CANT1: variants seen among roughly 807,000 people sequenced by gnomAD.
CANT1 encodes soluble calcium-activated nucleotidase 1.
A neutral mutation model predicts 30.0 loss-of-function variants in CANT1; 26 were observed. The ratio of observed to expected loss-of-function variants is 0.87; its 90% CI spans 0.64 to 1.20. CANT1 has a LOEUF of 1.20. Ranked by LOEUF, CANT1 falls within the 50% of genes most tolerant of loss-of-function variation. CANT1 has a pLI of 0.00. For missense variants in CANT1, 518 were observed against 563.0 expected (o/e 0.92, Z 0.81); for synonymous variants, 246 against 251.8 (o/e 0.98, Z 0.22).
intron 1 of CANT1, among the ~76,000 whole-genome samples, chr17:79,003,797 C>T (rs2071351119): frequency 6.6e-6 from 1 of 151,338 alleles, no homozygotes; most frequent in Non-Finnish European, 1.5e-5. Flanking sequence ...AGGACCCCTG[C>T]TGCTGCCTGG....
At chr17:78,994,055 C>A (rs1005895611) in intron 4 of CANT1, 135 bp from the exon 5 acceptor site, 79 of 1,230,528 alleles carry the variant, frequency 6.4e-5, no homozygotes, top group Non-Finnish European at 8.4e-5. Flanking sequence ...CCCGCCCCTC[C>A]CTGCTCTCCA....
Position 78,997,807 on chromosome 17 carries a change from T to C in CANT1, c.-23+33A>G. On this transcript the variant is annotated intron_variant, in intron 2 of 4. Transcript: ENST00000392446. This position sits in a 1 kb window ranked among gnomAD's most constrained non-coding sequence, Gnocchi z 7.5. ...CCTTGGCTTAATGAATTCCCGACTC[T>C]AGATTCCCGACTCTAGCAGTATCTT... is the stretch of plus-strand genomic sequence containing the variant. 3.7e-6 allele frequency: 2 copies of C among 534,910 alleles called. No individual in the cohort carries two copies. The highest frequency in any genetic ancestry group is 6.0e-5 in the East Asian group (2 of 33,098). The allele number at this position is 534,910 out of a possible 1,614,324, so 33.1% of individuals were successfully genotyped here.
In CANT1 at chr17:78,996,846, G is replaced by T; in HGVS notation, c.631+146C>A. 8.7e-7 allele frequency: 1 copy of T among 1,145,656 alleles called. No homozygotes were observed. The highest frequency in any genetic ancestry group is 1.3e-6 in the Non-Finnish European group (1 of 767,954). 71.0% of individuals were successfully genotyped at this position (1,145,656 alleles called of 1,614,324 possible). ...CCTGGCTAAGGGTAAGGGGGCCGCA[G>T]GTCAGAGCAAGAGGGAGACGTGCTC... is the stretch of plus-strand genomic sequence containing the variant. On this transcript the variant is annotated intron_variant, in intron 3 of 4. Coordinates refer to ENST00000392446, the MANE Select transcript of CANT1 (RefSeq NM_001159773.2). This position sits in a 1 kb window ranked among gnomAD's most constrained non-coding sequence, Gnocchi z 5.1.
At chr17:79,009,201 G>C (rs993752466) in intron 1 of CANT1, among the ~76,000 whole-genome samples, 5 of 145,410 alleles carry the variant, frequency 3.4e-5, no homozygotes, top group African/African-American at 1.3e-4. Context: ...TCAGAGCGGG[G>C]AGGTGCCCCA....
Position 78,994,436 on chromosome 17 carries a change from G to A in CANT1, c.836-516C>T, listed in dbSNP as rs755665674. On this transcript the variant is annotated intron_variant, in intron 4 of 4. Coordinates refer to ENST00000392446, the MANE Select transcript of CANT1 (RefSeq NM_001159773.2). Reference sequence around the variant, plus strand: ...TTGGTGTGGAACACCACGGCCCAGCGCCAGGGGTAGGGACAGGGCCTGACC... The same window carrying A: ...TTGGTGTGGAACACCACGGCCCAGCACCAGGGGTAGGGACAGGGCCTGACC... Among the ~76,000 whole-genome samples the A allele has an allele frequency of 4.6e-5, 7 of 152,336 alleles. 1 individual carries two copies. The highest frequency in any genetic ancestry group is 1.3e-4 in the Admixed American group (2 of 15,310).
Position 78,998,789 on chromosome 17 carries a change from G to A in CANT1, c.-146-826C>T, listed in dbSNP as rs2071134582. Reference sequence around the variant, plus strand: ...ATCGAGAACACTGGCCCTGGGCAGAGGTTCCATATCTCTGCCCTCCAACTA... The same window carrying A: ...ATCGAGAACACTGGCCCTGGGCAGAAGTTCCATATCTCTGCCCTCCAACTA... On this transcript the variant is annotated intron_variant, in intron 1 of 4. Coordinates refer to ENST00000392446, the MANE Select transcript of CANT1 (RefSeq NM_001159773.2). The surrounding 1 kb of genome is among the most constrained non-coding windows in gnomAD (Gnocchi z 4.5). Among the ~76,000 whole-genome samples, 1 of 152,254 alleles carries A rather than the reference G, an allele frequency of 6.6e-6. No homozygotes were observed. Among genetic ancestry groups the A allele is most frequent in the Non-Finnish European group, 1.5e-5 (1 of 68,038 alleles).
intron 1 of CANT1, among the ~76,000 whole-genome samples, chr17:79,003,030 G>A (rs73399883): frequency 0.012 from 1,826 of 152,158 alleles, 36 homozygotes; most frequent in African/African-American, 0.041. Context: ...TCAGTGTGAC[G>A]GAGGCAGGGG....
At chr17:79,004,278 G>T in intron 1 of CANT1, among the ~76,000 whole-genome samples, 1 of 39,454 alleles carries the variant, frequency 2.5e-5, no homozygotes, top group Non-Finnish European at 5.5e-5. Flanking sequence ...GAGGAGTTAG[G>T]GAGGGGGGAG....
Position 78,993,216 on chromosome 17 carries a change from C to G in CANT1, c.*334G>C, listed in dbSNP as rs1477897792. ...CATAGGGCCTGACATATGGTAGGAG[C>G]TCTAGGGATATTCACTGAACAAAAG... On this transcript the variant is annotated 3_prime_UTR_variant, in exon 5 of 5. Coordinates refer to ENST00000392446, the MANE Select transcript of CANT1 (RefSeq NM_001159773.2). This position sits in a 1 kb window ranked among gnomAD's most constrained non-coding sequence, Gnocchi z 4.5. The G allele has an allele frequency of 2.3e-6, 1 of 439,850 alleles. No individual in the cohort carries two copies. The highest frequency in any genetic ancestry group is 4.2e-6 in the Non-Finnish European group (1 of 236,154). The allele number at this position is 439,850 out of a possible 1,614,324, so 27.2% of individuals were successfully genotyped here.
intron 4 of CANT1, among the ~76,000 whole-genome samples, chr17:78,994,651 G>A (rs959748396): frequency 1.3e-5 from 2 of 152,112 alleles, no homozygotes; most frequent in Middle Eastern, 3.2e-3. Context: ...GTGGTGGCTC[G>A]CGCCCGTAAT....
chr17:79,005,648 G>A (rs540242851), intron 1 of CANT1, among the ~76,000 whole-genome samples: 205 of 152,184 alleles, frequency 1.3e-3, no homozygotes, highest in Non-Finnish European at 2.5e-3. Flanking sequence ...CAGGTGGCAG[G>A]TGCGCCAACC....
At position 78,995,000 on chromosome 17, in the gene CANT1, G is replaced by A. The variant is rs556320254; in HGVS notation, c.835+18C>T. The A allele has an allele frequency of 2.6e-5, 40 of 1,552,592 alleles. No individual in the cohort carries two copies. The African/African-American group carries it at 4.4e-4, about 17-fold the overall frequency. The stretch of plus-strand genomic sequence containing the variant: ...GGCTGTGGAAGCCACACTGTGGGCT[G>A]GGGCAGGCGTCTCTTACCTGGCGGC... On this transcript the variant is annotated intron_variant, in intron 4 of 4. Coordinates refer to ENST00000392446, the MANE Select transcript of CANT1 (RefSeq NM_001159773.2).
intron 1 of CANT1, among the ~76,000 whole-genome samples, chr17:79,006,930 G>A (rs901165102): frequency 6.6e-6 from 1 of 152,150 alleles, no homozygotes; most frequent in South Asian, 2.1e-4. Flanking sequence ...ACTCAACCCG[G>A]CAACACCCTC....
At position 78,992,454 on chromosome 17, in the gene CANT1, A is replaced by G; in HGVS notation, c.*1096T>C. ...CTGCCTTCACCCTGGAGTACACTCC[A>G]GCGAAGCCGAGGCCCAGCCAACGCT... On this transcript the variant is annotated 3_prime_UTR_variant, in exon 5 of 5. Transcript: ENST00000392446. 5.4e-6 allele frequency: 2 copies of G among 373,274 alleles called. No individual in the cohort carries two copies. Among genetic ancestry groups the G allele is most frequent in the Non-Finnish European group, 1.0e-5 (2 of 193,702 alleles). The allele number at this position is 373,274 out of a possible 1,614,324, so 23.1% of individuals were successfully genotyped here.
At chr17:79,009,032 G>A (rs1457906810) in intron 1 of CANT1, among the ~76,000 whole-genome samples, 1 of 152,196 alleles carries the variant, frequency 6.6e-6, no homozygotes, top group Non-Finnish European at 1.5e-5. Flanking sequence ...AGGGGTATTT[G>A]AAGTCAGAAG....
Position 78,992,471 on chromosome 17 carries a change from G to C in CANT1, c.*1079C>G, listed in dbSNP as rs2070873026. The C allele has an allele frequency of 2.7e-6, 1 of 370,844 alleles. No homozygotes were observed. The highest frequency in any genetic ancestry group is 5.2e-6 in the Non-Finnish European group (1 of 192,024). The allele number at this position is 370,844 out of a possible 1,614,324, so 23.0% of individuals were successfully genotyped here. Reference sequence around the variant, plus strand: ...TACACTCCAGCGAAGCCGAGGCCCAGCCAACGCTCGTGAAGTTTCCACAGA... The same window carrying C: ...TACACTCCAGCGAAGCCGAGGCCCACCCAACGCTCGTGAAGTTTCCACAGA... On this transcript the variant is annotated 3_prime_UTR_variant, in exon 5 of 5. Coordinates refer to ENST00000392446, the MANE Select transcript of CANT1 (RefSeq NM_001159773.2).
In CANT1 at chr17:78,997,259, C is replaced by T; in HGVS notation, c.364G>A (p.Glu122Lys). ...DLDTESRAQE[E>K]NTWFSYLKKG... ...TTCAGGTAACTGAACCAGGTGTTTT[C>T]CTCTTGGGCCCTTGACTCTGTGTCC... Residue 122 changes from glutamate to lysine, a missense_variant, in exon 3 of 5, where the codon GAA becomes AAA. Glu to Lys is a moderately conservative substitution (Grantham distance 56, BLOSUM62 1). Around this residue, in one of 3 missense-constraint regions of CANT1, gnomAD observed 249 missense variants for 268.8 expected, o/e 0.93. Coordinates refer to ENST00000392446, the MANE Select transcript of CANT1 (RefSeq NM_001159773.2). The surrounding 1 kb of genome is among the most constrained non-coding windows in gnomAD (Gnocchi z 7.5). 1 of 1,614,256 alleles carries T rather than the reference C, an allele frequency of 6.2e-7. No individual in the cohort carries two copies. The highest frequency in any genetic ancestry group is 1.1e-5 in the South Asian group (1 of 91,086).
At chr17:78,994,183 G>A (rs1342955538) in intron 4 of CANT1, among the ~76,000 whole-genome samples, 1 of 152,034 alleles carries the variant, frequency 6.6e-6, no homozygotes, top group Non-Finnish European at 1.5e-5. Flanking sequence ...CAGGGATTTG[G>A]GCTCATCGGA....
rs587776896 is a variant in CANT1, at chr17:78,997,394, A to AG, written c.228dup (p.Trp77LeufsTer13). On this transcript the variant is annotated frameshift_variant, in exon 3 of 5. Transcript: ENST00000392446. LOFTEE classifies it high-confidence loss of function. The surrounding 1 kb of genome is among the most constrained non-coding windows in gnomAD (Gnocchi z 7.5). ...TTGGCGGGCGCCTGGCCGAGCCTCC[A>AG]GTTGTGTGCATTGTGGGTGGGGGGC... The AG allele has an allele frequency of 2.7e-5, 41 of 1,503,368 alleles. No homozygotes were observed. The highest frequency in any genetic ancestry group is 3.6e-5 in the Non-Finnish European group (40 of 1,111,792). 93.1% of individuals were successfully genotyped at this position (1,503,368 alleles called of 1,614,324 possible).
Sources: gnomAD v4.1 joint callset for allele counts (sites outside exome capture counted in the v4.1 genomes callset) on GRCh38, gnomAD v4.1.1 for gene constraint, gnomAD v4.1.1 regional missense constraint, Gnocchi (gnomAD v3.1) non-coding constraint, MANE v1.5 for transcripts, NCBI Gene and HGNC (gene_info 2026-07-23, HGNC 2026-07-21) for gene names.